AZIN1: variants seen among roughly 807,000 people sequenced by gnomAD.
AZIN1 encodes antizyme inhibitor 1.
Under a neutral mutation model 47.4 loss-of-function variants are expected in AZIN1, and 12 were observed. The ratio of observed to expected loss-of-function variants is 0.25; its 90% CI spans 0.16 to 0.41. The LOEUF is 0.41. Ranked by LOEUF, AZIN1 falls within the 10% of genes least tolerant of loss-of-function variation. The probability of loss-of-function intolerance (pLI) is 1.00; values close to 1 mark genes in which losing one functional copy is unlikely to be tolerated. For synonymous variants in AZIN1, 155 were observed against 176.3 expected (o/e 0.88, Z 0.96); for missense variants, 410 against 532.4 (o/e 0.77, Z 2.26).
At chr8:102,857,103 TC>T (rs1435106689) in intron 2 of AZIN1, among the ~76,000 whole-genome samples, 2 of 152,190 alleles carry the variant, frequency 1.3e-5, no homozygotes, top group African/African-American at 4.8e-5. Flanking sequence ...TAGCCAACAT[TC>T]TAAGTCAAAG....
chr8:102,828,487 T>C lies in AZIN1; in HGVS notation c.*80A>G, dbSNP rs1811227036. On this transcript the variant is annotated 3_prime_UTR_variant, in exon 12 of 12. Coordinates refer to ENST00000337198, the MANE Select transcript of AZIN1 (RefSeq NM_148174.4). ...AAAGAATTAAGAGAATAAGATTGTT[T>C]AAATTATTTTTCCACACTGGAATGT... 1 of 910,170 alleles carries C rather than the reference T, an allele frequency of 1.1e-6. No homozygotes were observed. The highest frequency in any genetic ancestry group is 1.7e-6 in the Non-Finnish European group (1 of 605,010). 56.4% of individuals were successfully genotyped at this position (910,170 alleles called of 1,614,324 possible).
intron 6 of AZIN1, 45 bp downstream of exon 6, chr8:102,836,211 A>C: frequency 6.3e-7 from 1 of 1,575,058 alleles, no homozygotes; most frequent in South Asian, 1.1e-5. Flanking sequence ...ACAGGTTACC[A>C]CCATAAAATG....
chr8:102,837,903 C>T (rs561217112), intron 5 of AZIN1, among the ~76,000 whole-genome samples: 2 of 152,278 alleles, frequency 1.3e-5, no homozygotes, highest in East Asian at 3.9e-4. Context: ...TTTGTGAAAA[C>T]ATAAAATTTG....
intron 1 of AZIN1, among the ~76,000 whole-genome samples, chr8:102,862,951 G>C (rs1410133070): frequency 6.6e-6 from 1 of 152,224 alleles, no homozygotes; most frequent in East Asian, 1.9e-4. Context: ...TAGTTGATAA[G>C]CCACCCGTCT....
At chr8:102,851,374 C>G (rs920867042) in intron 2 of AZIN1, among the ~76,000 whole-genome samples, 1 of 152,180 alleles carries the variant, frequency 6.6e-6, no homozygotes, top group African/African-American at 2.4e-5. Flanking sequence ...ATGTGCAATA[C>G]AGTAATTGCA....
In AZIN1 at chr8:102,859,836, C is replaced by CA. The variant is rs563645044; in HGVS notation, c.-233-1687dup. 4.6e-3 allele frequency among the ~76,000 whole-genome samples: 703 copies of CA among 151,538 alleles called. 6 individuals are homozygous for CA. Among genetic ancestry groups the CA allele is most frequent in the African/African-American group, 0.016 (678 of 41,312 alleles). Reference sequence around the variant, plus strand: ...AGGCAACAGAGGGAGAACCTGTCTCCAAAAAAAGAAAAGAAAAGAAAAAAT... The same window carrying CA: ...AGGCAACAGAGGGAGAACCTGTCTCCAAAAAAAAGAAAAGAAAAGAAAAAAT... On this transcript the variant is annotated intron_variant, in intron 1 of 11. Transcript: ENST00000337198.
chr8:102,834,886 G>T, intron 6 of AZIN1, 139 bp from the exon 7 acceptor site: 1 of 597,282 alleles, frequency 1.7e-6, no homozygotes, highest in Non-Finnish European at 2.9e-6. Flanking sequence ...AGTATTAGAA[G>T]CATTAGCTTC....
chr8:102,836,456 A>T, intron 5 of AZIN1, 66 bp from the exon 6 acceptor site: 2 of 1,527,780 alleles, frequency 1.3e-6, no homozygotes, highest in South Asian at 2.3e-5. Flanking sequence ...GTGAAGCCTG[A>T]AGATTGTAGG....
At chr8:102,850,588 C>T (rs1391013150) in intron 2 of AZIN1, among the ~76,000 whole-genome samples, 3 of 152,088 alleles carry the variant, frequency 2.0e-5, no homozygotes, top group Admixed American at 6.6e-5. Context: ...GGTAGGAAAT[C>T]CTATAAATTT....
rs559828079 is a variant in AZIN1, at chr8:102,842,107, G to A, written c.102+1444C>T. ...GCCTGGGCAACAAGAGTGAAACTTC[G>A]TCTCAAAGAGAAAAAAAAAAAGAAA... On this transcript the variant is annotated intron_variant, in intron 3 of 11. Transcript: ENST00000337198. 2.8e-4 allele frequency among the ~76,000 whole-genome samples: 43 copies of A among 151,096 alleles called. No homozygotes were observed. In the South Asian group the frequency reaches 6.1e-3, roughly 21 times the overall value.
chr8:102,840,665 T>C (rs1168264542), intron 3 of AZIN1, among the ~76,000 whole-genome samples: 3 of 152,234 alleles, frequency 2.0e-5, no homozygotes, highest in African/African-American at 4.8e-5. Flanking sequence ...AGAGATGACT[T>C]ATGCAGTTGG....
intron 11 of AZIN1, 98 bp from the exon 12 acceptor site, chr8:102,828,776 C>A (rs1811251097): frequency 2.8e-6 from 2 of 714,086 alleles, no homozygotes; most frequent in Non-Finnish European, 4.6e-6. Flanking sequence ...AACTAGTCTT[C>A]CAAAAACCTT....
At chr8:102,839,857 AC>A in intron 3 of AZIN1, 34 bp from the exon 4 acceptor site, 1 of 1,492,716 alleles carries the variant, frequency 6.7e-7, no homozygotes, top group South Asian at 1.3e-5. Flanking sequence ...ACAAATATGA[AC>A]AAAAAACCAT....
chr8:102,843,458 T>C, intron 3 of AZIN1, 93 bp downstream of exon 3: 1 of 1,086,120 alleles, frequency 9.2e-7, no homozygotes, highest in Non-Finnish European at 1.4e-6. Flanking sequence ...ATGAACCAAG[T>C]ACTTCTGATC....
chr8:102,845,061 G>A (rs115356730), intron 2 of AZIN1, among the ~76,000 whole-genome samples: 2,916 of 152,152 alleles, frequency 0.019, 88 homozygotes, highest in African/African-American at 0.066. Flanking sequence ...ATTAATAATG[G>A]CCATTGACCA....
chr8:102,829,362 T>C lies in AZIN1; in HGVS notation c.1145A>G (p.Asp382Gly). The change falls in exon 11 of 12, where the codon GAT (aspartate) becomes GGT (glycine). Residue 382 changes from aspartate to glycine, a missense_variant. Transcript: ENST00000337198. ...ELNVGDWLIFDNMGADSFHEP... is the reference protein window; with the variant it reads ...ELNVGDWLIFGNMGADSFHEP... ...ATGGAAAGAATCTGCTCCCATGTTA[T>C]CAAAGATAAGCCAATCTCCCACATT... 1 of 1,614,050 alleles carries C rather than the reference T, an allele frequency of 6.2e-7. No individual in the cohort carries two copies. Among genetic ancestry groups the C allele is most frequent in the South Asian group, 1.1e-5 (1 of 91,078 alleles).
At chr8:102,848,506 C>G (rs987244711) in intron 2 of AZIN1, among the ~76,000 whole-genome samples, 1 of 152,096 alleles carries the variant, frequency 6.6e-6, no homozygotes, top group African/African-American at 2.4e-5. Context: ...CTCTTAAGTG[C>G]TGATATTACC....
intron 3 of AZIN1, among the ~76,000 whole-genome samples, chr8:102,840,578 G>C (rs1812116017): frequency 6.6e-6 from 1 of 152,170 alleles, no homozygotes; most frequent in African/African-American, 2.4e-5. Flanking sequence ...GATTTTAAAA[G>C]TACATAAGTC....
chr8:102,861,321 C>T (rs1039139250), intron 1 of AZIN1, among the ~76,000 whole-genome samples: 13 of 150,832 alleles, frequency 8.6e-5, no homozygotes. Context: ...TCTGCCTCCC[C>T]AGTTCAAGCG....
Sources: gnomAD v4.1 joint callset for allele counts (sites outside exome capture counted in the v4.1 genomes callset) on GRCh38, gnomAD v4.1.1 for gene constraint, MANE v1.5 for transcripts, NCBI Gene and HGNC (gene_info 2026-07-23, HGNC 2026-07-21) for gene names.